FHIP1A: variants seen among roughly 807,000 people sequenced by gnomAD.
The protein encoded by FHIP1A is FHF complex subunit HOOK-interacting protein 1A.
Under a neutral mutation model 88.6 loss-of-function variants are expected in FHIP1A, and 61 were observed. That is an observed-to-expected ratio of 0.69 (90% CI 0.56 to 0.85). The LOEUF (loss-of-function observed/expected upper bound fraction) is 0.85. FHIP1A is among the 40% of genes least tolerant of loss of function. FHIP1A has a pLI of 0.00. For synonymous variants in FHIP1A, 478 were observed against 496.0 expected, an observed-to-expected ratio of 0.96 and a Z score of 0.48; for missense variants, 1,154 against 1,273.5, an observed-to-expected ratio of 0.91 and a Z score of 1.43.
chr4:151,560,779 A>G (rs940474665), intron 3 of FHIP1A, among the ~76,000 whole-genome samples: 2 of 152,122 alleles, frequency 1.3e-5, no homozygotes, highest in African/African-American at 4.8e-5. Context: ...ATCGCCAAGG[A>G]GCTGATATCT....
chr4:151,441,255 A>G (rs566924125), intron 1 of FHIP1A, among the ~76,000 whole-genome samples: 90 of 152,290 alleles, frequency 5.9e-4, no homozygotes, highest in Non-Finnish European at 1.2e-3. Flanking sequence ...ACTTAAAGTA[A>G]GTGCATTTAC....
intron 10 of FHIP1A, among the ~76,000 whole-genome samples, chr4:151,647,511 C>T (rs1033769539): frequency 5.3e-5 from 8 of 152,124 alleles, no homozygotes; most frequent in African/African-American, 1.9e-4. Flanking sequence ...ATTCTGTCCA[C>T]CCAGCTATAA....
intron 1 of FHIP1A, among the ~76,000 whole-genome samples, chr4:151,443,526 T>C (rs1175324279): frequency 6.6e-6 from 1 of 152,082 alleles, no homozygotes; most frequent in Non-Finnish European, 1.5e-5. Context: ...ATGTTACTGG[T>C]TTTCCTTGTA....
intron 2 of FHIP1A, among the ~76,000 whole-genome samples, chr4:151,475,992 G>A (rs1049170135): frequency 6.6e-6 from 1 of 151,642 alleles, no homozygotes; most frequent in African/African-American, 2.4e-5. Context: ...CTCCTGAGTA[G>A]CCGGGACTAC....
chr4:151,661,836 TC>T (rs1737469065), intron 13 of FHIP1A, among the ~76,000 whole-genome samples: 1 of 152,212 alleles, frequency 6.6e-6, no homozygotes, highest in Non-Finnish European at 1.5e-5. Context: ...TGCTACTAAT[TC>T]CCCATGGTTG....
At chr4:151,451,394 T>A (rs774307737) in intron 1 of FHIP1A, among the ~76,000 whole-genome samples, 6 of 152,216 alleles carry the variant, frequency 3.9e-5, no homozygotes, top group Non-Finnish European at 8.8e-5. Context: ...CCTTTTATTT[T>A]AACACTCAAA....
At chr4:151,519,369 A>C (rs957682490) in intron 3 of FHIP1A, among the ~76,000 whole-genome samples, 7 of 151,832 alleles carry the variant, frequency 4.6e-5, no homozygotes, top group African/African-American at 1.7e-4. Flanking sequence ...TGGTTCTTTC[A>C]CTCATCATAA....
intron 7 of FHIP1A, among the ~76,000 whole-genome samples, chr4:151,591,169 T>C (rs1448461603): frequency 2.0e-5 from 3 of 152,060 alleles, no homozygotes; most frequent in African/African-American, 7.2e-5. Flanking sequence ...GCCTCTCCTC[T>C]GGCTCTTGGC....
At chr4:151,586,892 A>C in intron 6 of FHIP1A, 93 bp downstream of exon 6, 712 of 879,058 alleles carry the variant, frequency 8.1e-4, no homozygotes, top group Non-Finnish European at 1.1e-3. Context: ...ATTTTTTAAA[A>C]TGTTAATAAA....
chr4:151,575,928 AG>A (rs1233529107), intron 4 of FHIP1A, among the ~76,000 whole-genome samples: 2 of 152,208 alleles, frequency 1.3e-5, no homozygotes, highest in African/African-American at 4.8e-5. Context: ...CTGGACCTGG[AG>A]GGTACTGCAA....
chr4:151,511,664 C>T (rs1731037900), intron 3 of FHIP1A, among the ~76,000 whole-genome samples: 1 of 152,234 alleles, frequency 6.6e-6, no homozygotes, highest in South Asian at 2.1e-4. Context: ...GTCCTACACC[C>T]ACAGAGTCTC....
intron 1 of FHIP1A, among the ~76,000 whole-genome samples, chr4:151,435,467 A>AG (rs1240816484): frequency 6.6e-6 from 1 of 152,160 alleles, no homozygotes; most frequent in Non-Finnish European, 1.5e-5. Flanking sequence ...CCAGTAAAAA[A>AG]TTTTCCTAAA....
chr4:151,528,963 C>T (rs534435652), intron 3 of FHIP1A, among the ~76,000 whole-genome samples: 2 of 152,178 alleles, frequency 1.3e-5, no homozygotes, highest in Non-Finnish European at 1.5e-5. Context: ...CTACCCTCCA[C>T]CTGCCCTCTG....
chr4:151,535,886 G>A (rs555897423), intron 3 of FHIP1A, among the ~76,000 whole-genome samples: 8 of 152,296 alleles, frequency 5.3e-5, no homozygotes, highest in Non-Finnish European at 1.0e-4. Flanking sequence ...TAGTCTTTAA[G>A]TATAAAAGCC....
At chr4:151,488,472 A>T (rs1306565985) in intron 3 of FHIP1A, among the ~76,000 whole-genome samples, 4 of 152,206 alleles carry the variant, frequency 2.6e-5, no homozygotes, top group Non-Finnish European at 4.4e-5. Flanking sequence ...ATGTGATTTC[A>T]TTCTTTTCTA....
chr4:151,583,711 A>G (rs139495865), intron 5 of FHIP1A, among the ~76,000 whole-genome samples: 38 of 152,314 alleles, frequency 2.5e-4, no homozygotes, highest in Admixed American at 5.2e-4. Flanking sequence ...TTAATTTAGC[A>G]TGAGTTAGCA....
chr4:151,563,406 A>G (rs1733250615), intron 3 of FHIP1A, among the ~76,000 whole-genome samples: 1 of 152,154 alleles, frequency 6.6e-6, no homozygotes, highest in Non-Finnish European at 1.5e-5. Flanking sequence ...TCAGGCATGA[A>G]ATTTGAGTCA....
At chr4:151,509,157 A>AT (rs986676837) in intron 3 of FHIP1A, among the ~76,000 whole-genome samples, 12 of 151,782 alleles carry the variant, frequency 7.9e-5, no homozygotes, top group Non-Finnish European at 1.2e-4. Context: ...TTTATTAAGT[A>AT]TTTTTTTTGT....
chr4:151,504,971 C>G (rs1006918008), intron 3 of FHIP1A, among the ~76,000 whole-genome samples: 6 of 152,124 alleles, frequency 3.9e-5, no homozygotes, highest in African/African-American at 1.4e-4. Context: ...ACTCTACTAT[C>G]AGAGAAATTC....
Sources: gnomAD v4.1 joint callset for allele counts (sites outside exome capture counted in the v4.1 genomes callset) on GRCh38, gnomAD v4.1.1 for gene constraint, MANE v1.5 for transcripts, NCBI Gene and HGNC (gene_info 2026-07-23, HGNC 2026-07-21) for gene names.